CYP51A1: variants seen among roughly 807,000 people sequenced by gnomAD.
The protein encoded by CYP51A1 is lanosterol 14-alpha demethylase.
In CYP51A1, 45 loss-of-function variants were observed where a neutral mutation model predicts 53.5. The observed-to-expected ratio is 0.84, with a 90% confidence interval of 0.66 to 1.08. CYP51A1 has a LOEUF of 1.08. CYP51A1 is among the 50% of genes least tolerant of loss of function. The pLI is 0.00. For synonymous variants in CYP51A1, 181 were observed against 217.7 expected (o/e 0.83, Z 1.48); for missense variants, 462 against 621.7 (o/e 0.74, Z 2.73).
chr7:92,125,016 T>C (rs952309597), intron 5 of CYP51A1, among the ~76,000 whole-genome samples: 20 of 151,112 alleles, frequency 1.3e-4, no homozygotes, highest in African/African-American at 2.7e-4. Flanking sequence ...TGGTGGCGGG[T>C]GCCTGTAGTC....
intron 1 of CYP51A1, among the ~76,000 whole-genome samples, chr7:92,133,258 AT>A (rs57353833): frequency 1.1e-3 from 168 of 146,114 alleles, no homozygotes; most frequent in East Asian, 4.6e-3. Flanking sequence ...GAAGAAAATG[AT>A]TTTTTTTTTT....
At chr7:92,116,414 G>C (rs1395723911) in intron 9 of CYP51A1, among the ~76,000 whole-genome samples, 5 of 152,182 alleles carry the variant, frequency 3.3e-5, no homozygotes, top group African/African-American at 9.7e-5. Flanking sequence ...CAAGTCATCT[G>C]TCATTTAAAT....
chr7:92,129,145 T>C, intron 2 of CYP51A1, 89 bp from the exon 3 acceptor site: 1 of 771,638 alleles, frequency 1.3e-6, no homozygotes, highest in Non-Finnish European at 2.0e-6. Flanking sequence ...TAATGCATTA[T>C]TAAAAAAATA....
chr7:92,128,659 T>C (rs563438474), intron 3 of CYP51A1, among the ~76,000 whole-genome samples: 2 of 152,180 alleles, frequency 1.3e-5, no homozygotes, highest in Non-Finnish European at 2.9e-5. Flanking sequence ...CAGCTAATTT[T>C]TGTATTTTTA....
chr7:92,131,875 A>G lies in CYP51A1; in HGVS notation c.193-3T>C, dbSNP rs753147995. 5.9e-6 allele frequency: 9 copies of G among 1,518,116 alleles called. No homozygotes were observed. In the Admixed American group the frequency reaches 1.5e-4, roughly 26 times the overall value. The allele number at this position is 1,518,116 out of a possible 1,614,324, so 94.0% of individuals were successfully genotyped here. On this transcript the variant is annotated splice_polypyrimidine_tract_variant and splice_region_variant and intron_variant, in intron 1 of 9. Coordinates refer to ENST00000003100, the MANE Select transcript of CYP51A1 (RefSeq NM_000786.4). ...GAGAAAATGTATGGAGGACTTTTCT[A>G]CAAGAGAAAAAAATAGTAAATTCAA...
At chr7:92,123,419 G>T in intron 6 of CYP51A1, 104 bp from the exon 7 acceptor site, 1 of 1,018,670 alleles carries the variant, frequency 9.8e-7, no homozygotes, top group Non-Finnish European at 1.5e-6. Context: ...CAGGTATAGT[G>T]GTCTCTTATA....
Position 92,134,327 on chromosome 7 carries a change from A to G in CYP51A1, c.38T>C (p.Leu13Pro). The G allele has an allele frequency of 6.3e-7, 1 of 1,597,270 alleles. No individual in the cohort carries two copies. The highest frequency in any genetic ancestry group is 8.6e-7 in the Non-Finnish European group (1 of 1,169,222). ...AAAGMLLLGL[L>P]QAGGSVLGQA... ...GCCCAGCACCGACCCACCCGCCTGC[A>G]GCAAGCCCAGCAGCAGCATCCCAGC... is the stretch of plus-strand genomic sequence containing the variant. Residue 13 changes from leucine to proline, a missense_variant, in exon 1 of 10, where the codon CTG (leucine) becomes CCG (proline). Transcript: ENST00000003100.
intron 9 of CYP51A1, among the ~76,000 whole-genome samples, chr7:92,115,430 G>C (rs1819563369): frequency 6.6e-6 from 1 of 152,178 alleles, no homozygotes; most frequent in South Asian, 2.1e-4. Context: ...AAGAAAGCCT[G>C]TTGAAGACAG....
upstream of CYP51A1, chr7:92,134,532 G>C: frequency 3.0e-6 from 2 of 658,310 alleles, no homozygotes; most frequent in Non-Finnish European, 5.0e-6. Flanking sequence ...GTCACAGAAT[G>C]GGGCGGGATG....
At chr7:92,119,081 T>G (rs1292261347) in intron 7 of CYP51A1, among the ~76,000 whole-genome samples, 1 of 152,196 alleles carries the variant, frequency 6.6e-6, no homozygotes, top group Non-Finnish European at 1.5e-5. Context: ...CTATAGCAGC[T>G]GTGAAAGCCA....
rs1355054723 is a variant in CYP51A1 at position 92,129,074 on chromosome 7, C to T, written c.292-18G>A. The T allele has an allele frequency of 3.2e-6, 5 of 1,553,888 alleles. No individual in the cohort carries two copies. The highest frequency in any genetic ancestry group is 1.9e-5 in the Admixed American group (1 of 52,348). On this transcript the variant is annotated intron_variant, in intron 2 of 9. Transcript: ENST00000003100. ...GGTCCATACTAAAAAGAGAAAAGTA[C>T]ATATAGTGATGTTACAAAAAATATG...
At chr7:92,124,910 G>A (rs138317618) in intron 5 of CYP51A1, among the ~76,000 whole-genome samples, 2,814 of 152,220 alleles carry the variant, frequency 0.018, 82 homozygotes, top group African/African-American at 0.063. Context: ...ATGGGAGGCC[G>A]AGGCGGGCGG....
chr7:92,121,247 A>G (rs1448652076), intron 7 of CYP51A1, among the ~76,000 whole-genome samples: 2 of 151,746 alleles, frequency 1.3e-5, no homozygotes, highest in African/African-American at 4.9e-5. Flanking sequence ...GCGCCATTGC[A>G]CTAGAGCCTG....
At chr7:92,115,854 GAAC>G (rs1819570604) in intron 9 of CYP51A1, among the ~76,000 whole-genome samples, 1 of 152,186 alleles carries the variant, frequency 6.6e-6, no homozygotes, top group Non-Finnish European at 1.5e-5. Flanking sequence ...AAAGGTAACT[GAAC>G]AACCCACAAC....
chr7:92,119,091 A>G (rs1819635175), intron 7 of CYP51A1, among the ~76,000 whole-genome samples: 1 of 152,206 alleles, frequency 6.6e-6, no homozygotes, highest in Non-Finnish European at 1.5e-5. Flanking sequence ...TGTGAAAGCC[A>G]GAAGCCTAAC....
intron 1 of CYP51A1, 35 bp downstream of exon 1, chr7:92,134,138 G>T: frequency 1.2e-6 from 2 of 1,601,024 alleles, no homozygotes; most frequent in Non-Finnish European, 1.7e-6. Flanking sequence ...CAGCTGCGGC[G>T]CGCGCCCCAC....
At chr7:92,131,751 C>G (rs1395959343) in intron 2 of CYP51A1, 23 bp downstream of exon 2, 3 of 1,060,500 alleles carry the variant, frequency 2.8e-6, no homozygotes, top group Non-Finnish European at 4.0e-6. Flanking sequence ...TTTTTTTTTC[C>G]TCTAATTATT....
upstream of CYP51A1, chr7:92,134,517 C>G (rs550161084): frequency 1.1e-4 from 82 of 730,764 alleles, no homozygotes; most frequent in African/African-American, 1.2e-3. Context: ...CGCGCCACCC[C>G]GTGCGTCACA....
chr7:92,128,853 T>A (rs1259895501), intron 3 of CYP51A1, 27 bp downstream of exon 3: 2 of 1,591,544 alleles, frequency 1.3e-6, no homozygotes, highest in Non-Finnish European at 1.7e-6. Context: ...TAGATTTGTC[T>A]TTATTTATGG....
Sources: gnomAD v4.1 joint callset for allele counts (sites outside exome capture counted in the v4.1 genomes callset) on GRCh38, gnomAD v4.1.1 for gene constraint, MANE v1.5 for transcripts, NCBI Gene and HGNC (gene_info 2026-07-23, HGNC 2026-07-21) for gene names.